Variants in SLC24A2 observed in about 807,000 individuals in gnomAD.
SLC24A2 encodes the protein sodium/potassium/calcium exchanger 2.
A neutral mutation model predicts 62.0 loss-of-function variants in SLC24A2; 36 were observed. The ratio of observed to expected loss-of-function variants is 0.58; its 90% CI spans 0.44 to 0.77. The LOEUF (loss-of-function observed/expected upper bound fraction) is 0.77. Among genes scored for constraint, SLC24A2 ranks in the 30% least tolerant of loss-of-function variants. SLC24A2 has a pLI of 0.00. For missense variants in SLC24A2, 846 were observed against 817.9 expected (o/e 1.03, Z -0.42); for synonymous variants, 358 against 294.0 (o/e 1.22, Z -2.23).
the SLC24A2 span, among the ~76,000 whole-genome samples, chr9:19,818,721 T>A: frequency 6.6e-6 from 1 of 151,920 alleles, no homozygotes; most frequent in Admixed American, 6.6e-5. Context: ...TGGAAACACA[T>A]CCCATGCTCA....
chr9:20,007,134 T>G, the SLC24A2 span, among the ~76,000 whole-genome samples: 1 of 152,202 alleles, frequency 6.6e-6, no homozygotes, highest in East Asian at 1.9e-4. Flanking sequence ...ACTAGAATTA[T>G]GCCCACAGTA....
intron 2 of SLC24A2, among the ~76,000 whole-genome samples, chr9:19,682,313 T>C (rs1010434088): frequency 2.0e-5 from 3 of 152,120 alleles, no homozygotes; most frequent in African/African-American, 4.8e-5. Context: ...GACGGTTGCA[T>C]ACAGAAGTAC....
chr9:19,788,092 C>A (rs1234160243), intron 1 of SLC24A2, among the ~76,000 whole-genome samples: 1 of 152,210 alleles, frequency 6.6e-6, no homozygotes, highest in African/African-American at 2.4e-5. Context: ...GAGATAATCT[C>A]AGGTGTAAAA....
At chr9:19,970,958 C>T in the SLC24A2 span, among the ~76,000 whole-genome samples, 1 of 152,130 alleles carries the variant, frequency 6.6e-6, no homozygotes, top group Non-Finnish European at 1.5e-5. Context: ...CTCCTATGTC[C>T]ATTGTCACCT....
chr9:20,196,020 T>C, the SLC24A2 span, among the ~76,000 whole-genome samples: 1 of 152,178 alleles, frequency 6.6e-6, no homozygotes, highest in Admixed American at 6.5e-5. Context: ...ATCTGTTTAA[T>C]AGCATTAAGC....
chr9:20,140,387 C>G, the SLC24A2 span, among the ~76,000 whole-genome samples: 1 of 152,082 alleles, frequency 6.6e-6, no homozygotes, highest in Non-Finnish European at 1.5e-5. Flanking sequence ...GATTTGGGTG[C>G]CTGCTGCAGT....
At chr9:20,183,200 T>C in the SLC24A2 span, among the ~76,000 whole-genome samples, 1 of 152,162 alleles carries the variant, frequency 6.6e-6, no homozygotes, top group Non-Finnish European at 1.5e-5. Flanking sequence ...ATCCCAAAGA[T>C]AGGTGTGGGG....
At chr9:19,642,475 A>G (rs558874862) in intron 2 of SLC24A2, among the ~76,000 whole-genome samples, 1 of 152,254 alleles carries the variant, frequency 6.6e-6, no homozygotes, top group African/African-American at 2.4e-5. Context: ...CTGGCAGTGT[A>G]CAAAAATCAC....
intron 2 of SLC24A2, among the ~76,000 whole-genome samples, chr9:19,636,379 CTT>C (rs1385673398): frequency 0.092 from 2,236 of 24,324 alleles, 69 homozygotes; most frequent in South Asian, 0.13. Context: ...TTCTTTCTTT[CTT>C]TCTTTCTCCC....
At chr9:19,543,496 C>A (rs1323604776) in intron 8 of SLC24A2, among the ~76,000 whole-genome samples, 1 of 151,530 alleles carries the variant, frequency 6.6e-6, no homozygotes, top group East Asian at 1.9e-4. Context: ...TTTGCTCTTG[C>A]TTCTCTAGTT....
chr9:19,810,805 ATG>A, the SLC24A2 span, among the ~76,000 whole-genome samples: 1 of 152,216 alleles, frequency 6.6e-6, no homozygotes, highest in African/African-American at 2.4e-5. Context: ...TCTTAAAAAA[ATG>A]TGTGAGGTCC....
At chr9:19,933,966 G>A in the SLC24A2 span, among the ~76,000 whole-genome samples, 1 of 152,144 alleles carries the variant, frequency 6.6e-6, no homozygotes, top group South Asian at 2.1e-4. Context: ...GGGGTATGCA[G>A]GAAAGGAATA....
chr9:19,791,343 A>G (rs752593647), upstream of SLC24A2, among the ~76,000 whole-genome samples: 1 of 152,218 alleles, frequency 6.6e-6, no homozygotes, highest in Non-Finnish European at 1.5e-5. Context: ...CTTCACTTAC[A>G]TTTCACTGAT....
chr9:20,008,645 A>G, the SLC24A2 span, among the ~76,000 whole-genome samples: 3 of 152,104 alleles, frequency 2.0e-5, no homozygotes, highest in Non-Finnish European at 2.9e-5. Context: ...TCTTCCCAGG[A>G]ATATGACATC....
the SLC24A2 span, among the ~76,000 whole-genome samples, chr9:20,146,982 T>C: frequency 6.6e-6 from 1 of 152,102 alleles, no homozygotes; most frequent in South Asian, 2.1e-4. Context: ...CTCTCCTTGA[T>C]AGCATGTGAT....
the SLC24A2 span, among the ~76,000 whole-genome samples, chr9:20,034,710 C>T: frequency 2.6e-5 from 4 of 152,148 alleles, no homozygotes; most frequent in South Asian, 6.2e-4. Flanking sequence ...ACTCGTGATC[C>T]GCCCGCCTTG....
rs928748270 is a variant in SLC24A2, at chr9:19,672,574, G to A, written c.931-50275C>T. Among the ~76,000 whole-genome samples, 3 of 145,530 alleles carry A rather than the reference G, an allele frequency of 2.1e-5. 1 individual carries two copies. The highest frequency in any genetic ancestry group is 4.3e-4 in the South Asian group (2 of 4,600). ...ATTTCTGTTATTTCTTTTCTTGTGCGGGGTCTGGGTTTGGCTTGCTCTTGT... is the reference window on the plus strand; with the variant it reads ...ATTTCTGTTATTTCTTTTCTTGTGCAGGGTCTGGGTTTGGCTTGCTCTTGT... On this transcript the variant is annotated intron_variant, in intron 2 of 10. Transcript: ENST00000341998.
intron 3 of SLC24A2, among the ~76,000 whole-genome samples, chr9:19,620,319 C>T (rs527947210): frequency 6.6e-6 from 1 of 152,314 alleles, no homozygotes; most frequent in South Asian, 2.1e-4. Flanking sequence ...AATATTTTCT[C>T]CTTGCTTCCC....
chr9:19,996,521 C>G, the SLC24A2 span, among the ~76,000 whole-genome samples: 1 of 152,050 alleles, frequency 6.6e-6, no homozygotes, highest in African/African-American at 2.4e-5. Context: ...GCGTGGATCA[C>G]CTGAGGTCAG....
Sources: allele counts gnomAD v4.1 joint callset (sites outside exome capture counted in the v4.1 genomes callset), GRCh38; gene constraint gnomAD v4.1.1; transcripts MANE v1.5; gene names NCBI Gene and HGNC (gene_info 2026-07-23, HGNC 2026-07-21).